UQCC1: variants seen among roughly 807,000 people sequenced by gnomAD.
The protein encoded by UQCC1 is bFGF-repressed Zic-binding protein.
Under a neutral mutation model 48.0 loss-of-function variants are expected in UQCC1, and 38 were observed. The ratio of observed to expected loss-of-function variants is 0.79; its 90% CI spans 0.61 to 1.04. UQCC1 has a LOEUF of 1.04. UQCC1 is among the 50% of genes least tolerant of loss of function. The pLI is 0.00. For missense variants in UQCC1, 368 were observed against 381.8 expected, an observed-to-expected ratio of 0.96 and a Z score of 0.30; for synonymous variants, 111 against 129.2, an observed-to-expected ratio of 0.86 and a Z score of 0.95.
At chr20:35,411,915 C>A (rs2062371782) in intron 1 of UQCC1, 25 bp downstream of exon 1, 1 of 1,614,134 alleles carries the variant, frequency 6.2e-7, no homozygotes, top group Non-Finnish European at 8.5e-7. Context: ...AGAGAGCTAC[C>A]GTAGAAAATT....
At chr20:35,354,890 T>G (rs2061529056) in intron 6 of UQCC1, among the ~76,000 whole-genome samples, 2 of 152,194 alleles carry the variant, frequency 1.3e-5, no homozygotes, top group South Asian at 4.1e-4. Context: ...AAGAGTTATA[T>G]TCCTACAGTA....
At chr20:35,406,688 G>T (rs2062255539) in intron 1 of UQCC1, among the ~76,000 whole-genome samples, 1 of 152,094 alleles carries the variant, frequency 6.6e-6, no homozygotes, top group Non-Finnish European at 1.5e-5. Context: ...AACTGTTTAG[G>T]TAAATAAAAA....
chr20:35,381,930 T>C lies in UQCC1; in HGVS notation c.321A>G (p.Lys107=). Residue 107 remains lysine (K), a synonymous_variant, in exon 4 of 10, where the codon AAA becomes AAG. Transcript: ENST00000374385. ...IEAMGFTGPL[K]YSKWKIKIAA... ...TAAAGGACTTTACCCATTTACTGTATTTCAAAGGTCCCGTGAATCCCATGG... is the reference window on the plus strand; with the variant it reads ...TAAAGGACTTTACCCATTTACTGTACTTCAAAGGTCCCGTGAATCCCATGG... The C allele has an allele frequency of 6.2e-7, 1 of 1,601,150 alleles. No homozygotes were observed. Among genetic ancestry groups the C allele is most frequent in the Non-Finnish European group, 8.5e-7 (1 of 1,171,044 alleles).
chr20:35,351,513 A>C (rs953762239), intron 6 of UQCC1, among the ~76,000 whole-genome samples: 6 of 152,196 alleles, frequency 3.9e-5, no homozygotes, highest in African/African-American at 1.4e-4. Context: ...AAAGTTCAAC[A>C]GTCCTTTTTC....
chr20:35,381,227 G>A (rs1442772575), intron 4 of UQCC1, among the ~76,000 whole-genome samples: 3 of 152,106 alleles, frequency 2.0e-5, no homozygotes, highest in Non-Finnish European at 4.4e-5. Flanking sequence ...ACAATAGATC[G>A]TGGGCTTAAT....
chr20:35,408,996 C>A (rs779255836), intron 1 of UQCC1, among the ~76,000 whole-genome samples: 4 of 152,128 alleles, frequency 2.6e-5, no homozygotes, highest in Non-Finnish European at 4.4e-5. Flanking sequence ...AGTAGTTAAA[C>A]TCACGGAGAC....
At chr20:35,386,291 A>G (rs2146495035) in intron 2 of UQCC1, 1 of 448,484 alleles carries the variant, frequency 2.2e-6, no homozygotes, top group South Asian at 1.6e-5. Context: ...ACAATAAAAA[A>G]GGGTGAGAGG....
In UQCC1 at chr20:35,314,733, G is replaced by A. The variant is rs999701452; in HGVS notation, c.606C>T (p.Ile202=). The change falls in exon 8 of 10, where the codon ATC becomes ATT. Residue 202 remains isoleucine, a synonymous_variant. Coordinates refer to ENST00000374385, the MANE Select transcript of UQCC1 (RefSeq NM_018244.5). Reference sequence around the variant, plus strand: ...CTGCATAGAAATGATTTGTCATGAGGATCATGTTCTTCTTCAGGATATAGG... The same window carrying A: ...CTGCATAGAAATGATTTGTCATGAGAATCATGTTCTTCTTCAGGATATAGG... ...VNPYILKKNM[I]LMTNHFYAAI... 3 of 1,607,842 alleles carry A rather than the reference G, an allele frequency of 1.9e-6. No homozygotes were observed. Among genetic ancestry groups the A allele is most frequent in the Non-Finnish European group, 2.6e-6 (3 of 1,175,380 alleles).
rs114389866 is a variant in UQCC1 at position 35,358,073 on chromosome 20, G to A, written c.464+8484C>T. On this transcript the variant is annotated intron_variant, in intron 6 of 9. Coordinates refer to ENST00000374385, the MANE Select transcript of UQCC1 (RefSeq NM_018244.5). ...ATAAAAACTGCCCTTAAGAATGCAG[G>A]CTGGGCGCGCTGGCTCATGCCTGTA... Among the ~76,000 whole-genome samples the A allele has an allele frequency of 6.6e-3, 1,011 of 152,254 alleles. 14 individuals are homozygous for A. The highest frequency in any genetic ancestry group is 0.023 in the African/African-American group (966 of 41,538).
At chr20:35,397,281 C>T (rs914127570) in intron 1 of UQCC1, among the ~76,000 whole-genome samples, 2 of 151,468 alleles carry the variant, frequency 1.3e-5, no homozygotes, top group Admixed American at 6.6e-5. Flanking sequence ...TTTGGGAGGC[C>T]GAGGCTGGCG....
Position 35,339,230 on chromosome 20 carries a change from A to G in UQCC1, c.573+7934T>C, listed in dbSNP as rs2061351295. On this transcript the variant is annotated intron_variant, in intron 7 of 9. Transcript: ENST00000374385. Reference sequence around the variant, plus strand: ...GCAAGTATTTATGTTCATCCAACACATATTTGAGTAGTGACTACGGTAGGC... The same window carrying G: ...GCAAGTATTTATGTTCATCCAACACGTATTTGAGTAGTGACTACGGTAGGC... 2.0e-5 allele frequency among the ~76,000 whole-genome samples: 3 copies of G among 152,114 alleles called. 1 individual carries two copies. The highest frequency in any genetic ancestry group is 2.0e-4 in the Admixed American group (3 of 15,268).
intron 7 of UQCC1, among the ~76,000 whole-genome samples, chr20:35,324,819 G>A (rs116543873): frequency 0.019 from 2,824 of 152,300 alleles, 98 homozygotes; most frequent in African/African-American, 0.064. Context: ...ATATAGCCCA[G>A]CAATCCCATT....
intron 6 of UQCC1, among the ~76,000 whole-genome samples, chr20:35,362,716 G>A (rs1018831599): frequency 6.6e-6 from 1 of 152,074 alleles, no homozygotes; most frequent in East Asian, 1.9e-4. Flanking sequence ...GTGCATGTGT[G>A]TGCGTGTGTG....
Position 35,365,209 on chromosome 20 carries a change from T to C in UQCC1, c.464+1348A>G, listed in dbSNP as rs562555600. ...TGATCCTATAAGTACTTCTTACTCA[T>C]ATTTATTATATAACTTAGGCATTCT... On this transcript the variant is annotated intron_variant, in intron 6 of 9. Coordinates refer to ENST00000374385, the MANE Select transcript of UQCC1 (RefSeq NM_018244.5). Among the ~76,000 whole-genome samples, 4 of 152,312 alleles carry C rather than the reference T, an allele frequency of 2.6e-5. No homozygotes were observed. In the South Asian group the frequency reaches 6.2e-4, roughly 24 times the overall value.
rs2061439909 is a variant in UQCC1 at position 35,347,165 on chromosome 20, C to T, written c.572G>A (p.Gly191Glu). The T allele has an allele frequency of 1.2e-6, 2 of 1,614,170 alleles. No homozygotes were observed. The highest frequency in any genetic ancestry group is 2.2e-5 in the East Asian group (1 of 44,886). The change falls in exon 7 of 10, where the codon GGG becomes GAG. Residue 191 changes from glycine to glutamate, a missense_variant and splice_region_variant. Gly to Glu is a moderately conservative substitution (Grantham distance 98). Transcript: ENST00000374385. ...AAGCATCTGACAGCACTCACTTACC[C>T]CCATGACTCTGCCGCGCTGCTGAAC... Reference protein sequence around the residue: ...EDVQQRGRVMGVNPYILKKNM... With the variant: ...EDVQQRGRVMEVNPYILKKNM...
chr20:35,377,960 G>A (rs1168441997), intron 4 of UQCC1, among the ~76,000 whole-genome samples: 2 of 152,160 alleles, frequency 1.3e-5, no homozygotes, highest in African/African-American at 4.8e-5. Context: ...TTATACTTGG[G>A]TGAGCCATTT....
intron 8 of UQCC1, chr20:35,309,245 C>A (rs1409291711): frequency 2.3e-6 from 1 of 444,314 alleles, no homozygotes; most frequent in South Asian, 1.6e-5. Context: ...CCAGCCTGGA[C>A]AACATGGCGA....
intron 5 of UQCC1, among the ~76,000 whole-genome samples, chr20:35,370,144 C>T (rs752655278): frequency 6.6e-6 from 1 of 152,102 alleles, no homozygotes; most frequent in Non-Finnish European, 1.5e-5. Flanking sequence ...AAAAGTTAAG[C>T]CCTAAAATAC....
intron 7 of UQCC1, among the ~76,000 whole-genome samples, chr20:35,339,689 A>C (rs2061356941): frequency 6.6e-6 from 1 of 152,176 alleles, no homozygotes; most frequent in South Asian, 2.1e-4. Flanking sequence ...AAGAATTTCA[A>C]AGAATTTTTA....
Sources: allele counts gnomAD v4.1 joint callset (sites outside exome capture counted in the v4.1 genomes callset), GRCh38; gene constraint gnomAD v4.1.1; transcripts MANE v1.5; gene names NCBI Gene and HGNC (gene_info 2026-07-23, HGNC 2026-07-21).